The following IL1RAPL2 variants were observed in gnomAD, a reference collection of about 807,000 sequenced individuals.
The protein encoded by IL1RAPL2 is X-linked interleukin-1 receptor accessory protein-like 2.
In IL1RAPL2, 3 loss-of-function variants were observed where a neutral mutation model predicts 44.1. The ratio of observed to expected loss-of-function variants is 0.07; its 90% CI spans 0.03 to 0.18. IL1RAPL2 has a LOEUF of 0.18. Among genes scored for constraint, IL1RAPL2 ranks in the 10% least tolerant of loss-of-function variants. The pLI is 1.00. For missense variants in IL1RAPL2, 391 were observed against 496.4 expected (o/e 0.79, Z 2.02); for synonymous variants, 181 against 178.8 (o/e 1.01, Z -0.10).
At position 104,585,254 on chromosome X, in the gene IL1RAPL2, AATAT is replaced by A. The variant is rs66611907; in HGVS notation, c.-20+18211_-20+18214del. ...TGTATATATATAATATATGATATAT[AATAT>A]ATATATAATATATTATATATATTAT... is the stretch of plus-strand genomic sequence containing the variant. On this transcript the variant is annotated intron_variant, in intron 1 of 10. Transcript: ENST00000372582. Among the ~76,000 whole-genome samples the A allele has an allele frequency of 2.5e-4, 8 of 32,037 alleles. 1 individual carries two copies. Among genetic ancestry groups the A allele is most frequent in the Non-Finnish European group, 3.7e-4 (8 of 21,525 alleles). 27.8% of individuals were successfully genotyped at this position (32,037 alleles called of 115,157 possible).
At chrX:105,107,113 G>C (rs1308566825) in intron 2 of IL1RAPL2, among the ~76,000 whole-genome samples, 1 of 112,672 alleles carries the variant, frequency 8.9e-6, no homozygotes, top group Non-Finnish European at 1.9e-5. Flanking sequence ...TTAAAGACCA[G>C]ATGGTGTTAA....
chrX:105,255,256 C>T (rs1383858346), intron 4 of IL1RAPL2, among the ~76,000 whole-genome samples: 1 of 111,275 alleles, frequency 9.0e-6, no homozygotes, highest in Non-Finnish European at 1.9e-5. Context: ...AGATCTTTCA[C>T]CTCTCTGGTT....
chrX:105,508,444 C>T (rs948448662), intron 6 of IL1RAPL2, among the ~76,000 whole-genome samples: 3 of 110,933 alleles, frequency 2.7e-5, no homozygotes, highest in African/African-American at 9.8e-5. Flanking sequence ...TAAATTCTTT[C>T]CCTTTTTATC....
At chrX:104,963,593 C>T (rs1034781408) in intron 2 of IL1RAPL2, among the ~76,000 whole-genome samples, 1 of 111,300 alleles carries the variant, frequency 9.0e-6, no homozygotes, top group Non-Finnish European at 1.9e-5. Flanking sequence ...ATGCCCCAGA[C>T]CCAAATAAAA....
chrX:104,904,117 T>C (rs944436013), intron 2 of IL1RAPL2, among the ~76,000 whole-genome samples: 3 of 110,027 alleles, frequency 2.7e-5, no homozygotes, highest in Non-Finnish European at 5.7e-5. Flanking sequence ...CCTCTCTCCT[T>C]ATTTGTATAT....
intron 2 of IL1RAPL2, among the ~76,000 whole-genome samples, chrX:105,063,929 G>A (rs2032105458): frequency 8.9e-6 from 1 of 112,005 alleles, no homozygotes; most frequent in African/African-American, 3.2e-5. Context: ...GCCACCTGGA[G>A]GTGGGGATGG....
rs139727731 is a variant in IL1RAPL2 at position 105,356,409 on chromosome X, C to A, written c.697+88868C>A. 7.8e-3 allele frequency among the ~76,000 whole-genome samples: 874 copies of A among 111,509 alleles called. 13 individuals are homozygous for A. Among genetic ancestry groups the A allele is most frequent in the African/African-American group, 0.027 (839 of 30,706 alleles). ...TCAGTCATAGATAGTTCATATTGCA[C>A]ATAATGGGCTCTAATATCAGTCTGT... is the stretch of plus-strand genomic sequence containing the variant. On this transcript the variant is annotated intron_variant, in intron 5 of 10. Transcript: ENST00000372582.
intron 2 of IL1RAPL2, among the ~76,000 whole-genome samples, chrX:104,940,806 C>T (rs1925147754): frequency 9.3e-6 from 1 of 107,978 alleles, no homozygotes; most frequent in Non-Finnish European, 1.9e-5. Flanking sequence ...TATACATGTG[C>T]CATGTTGGTG....
At chrX:105,353,981 T>C (rs2035179504) in intron 5 of IL1RAPL2, among the ~76,000 whole-genome samples, 2 of 110,368 alleles carry the variant, frequency 1.8e-5, no homozygotes, top group East Asian at 2.9e-4. Context: ...TGAATAGGAG[T>C]GGTGAGAGAG....
intron 5 of IL1RAPL2, among the ~76,000 whole-genome samples, chrX:105,429,119 GAAAT>G (rs757478017): frequency 4.7e-4 from 53 of 111,685 alleles, no homozygotes; most frequent in East Asian, 1.7e-3. Flanking sequence ...TTTTAACAAA[GAAAT>G]CGTTCACCAC....
At chrX:105,371,065 T>C (rs746750140) in intron 5 of IL1RAPL2, among the ~76,000 whole-genome samples, 1 of 112,581 alleles carries the variant, frequency 8.9e-6, no homozygotes, top group African/African-American at 3.2e-5. Context: ...TCATGTCTTT[T>C]GCCCACTTTT....
At chrX:104,759,985 C>G (rs1490897884) in intron 2 of IL1RAPL2, among the ~76,000 whole-genome samples, 1 of 111,972 alleles carries the variant, frequency 8.9e-6, no homozygotes, top group South Asian at 3.7e-4. Context: ...AACCACCTTT[C>G]TATGTCCATG....
At chrX:104,914,545 A>G (rs1287238721) in intron 2 of IL1RAPL2, among the ~76,000 whole-genome samples, 1 of 111,796 alleles carries the variant, frequency 8.9e-6, no homozygotes, top group African/African-American at 3.2e-5. Flanking sequence ...GTCACAAAAC[A>G]CACATGTTGT....
At chrX:104,631,178 T>C (rs887390629) in intron 1 of IL1RAPL2, among the ~76,000 whole-genome samples, 1 of 112,074 alleles carries the variant, frequency 8.9e-6, no homozygotes, top group African/African-American at 3.2e-5. Context: ...TCATCCTTTT[T>C]TATGGCTGCA....
At chrX:104,818,231 C>T (rs1456550584) in intron 2 of IL1RAPL2, among the ~76,000 whole-genome samples, 1 of 105,115 alleles carries the variant, frequency 9.5e-6, no homozygotes, top group Non-Finnish European at 1.9e-5. Context: ...ATAGTCCCAG[C>T]TACTCGGGAG....
At chrX:104,914,983 G>A (rs986737020) in intron 2 of IL1RAPL2, among the ~76,000 whole-genome samples, 12 of 111,517 alleles carry the variant, frequency 1.1e-4, no homozygotes, top group Non-Finnish European at 1.9e-4. Flanking sequence ...CATTTGGGTT[G>A]GTTCCAAGTC....
intron 5 of IL1RAPL2, among the ~76,000 whole-genome samples, chrX:105,483,080 G>A (rs2036243346): frequency 9.6e-6 from 1 of 104,462 alleles, no homozygotes; most frequent in Non-Finnish European, 1.9e-5. Flanking sequence ...CTCCAACCTG[G>A]TGTGACTGCT....
At chrX:104,868,166 T>C (rs1922667817) in intron 2 of IL1RAPL2, among the ~76,000 whole-genome samples, 1 of 112,057 alleles carries the variant, frequency 8.9e-6, no homozygotes, top group Non-Finnish European at 1.9e-5. Context: ...TATGAGCATA[T>C]TAAGTTCCTC....
intron 2 of IL1RAPL2, among the ~76,000 whole-genome samples, chrX:104,662,519 T>C (rs1224192759): frequency 9.0e-6 from 1 of 111,457 alleles, no homozygotes; most frequent in Admixed American, 9.6e-5. Flanking sequence ...TGTCATTCTT[T>C]ATGTCAGGAA....
Sources: gnomAD v4.1 joint callset for allele counts (sites outside exome capture counted in the v4.1 genomes callset) on GRCh38, gnomAD v4.1.1 for gene constraint, MANE v1.5 for transcripts, NCBI Gene and HGNC (gene_info 2026-07-23, HGNC 2026-07-21) for gene names.